RERG: variants seen among roughly 807,000 people sequenced by gnomAD.
RERG encodes RAS like estrogen regulated growth inhibitor.
In RERG, 25 loss-of-function variants were observed where a neutral mutation model predicts 23.2. The ratio of observed to expected loss-of-function variants is 1.08; its 90% CI spans 0.79 to 1.50. RERG has a LOEUF of 1.50. Ranked by LOEUF, RERG falls within the 40% of genes most tolerant of loss-of-function variation. The pLI is 0.00. For missense variants in RERG, 253 were observed against 250.1 expected, an observed-to-expected ratio of 1.01 and a Z score of -0.08; for synonymous variants, 81 against 89.1, an observed-to-expected ratio of 0.91 and a Z score of 0.51.
chr12:15,191,591 T>C (rs532840084), intron 2 of RERG, among the ~76,000 whole-genome samples: 7 of 152,186 alleles, frequency 4.6e-5, no homozygotes, highest in Non-Finnish European at 8.8e-5. Flanking sequence ...TTCATCTCTC[T>C]CCAGCCTCCC....
At chr12:15,210,093 AT>A (rs1555132041) in intron 2 of RERG, among the ~76,000 whole-genome samples, 1 of 152,182 alleles carries the variant, frequency 6.6e-6, no homozygotes, top group Non-Finnish European at 1.5e-5. Context: ...ACAGACATGC[AT>A]TTGCACTGGA....
intron 2 of RERG, chr12:15,138,001 C>A: frequency 2.8e-6 from 1 of 354,034 alleles, no homozygotes; most frequent in Non-Finnish European, 5.6e-6. Flanking sequence ...CTTAATTTAT[C>A]CTTCACTTTT....
In RERG at chr12:15,109,265, C is replaced by G. The variant is rs1208071328; in HGVS notation, c.445G>C (p.Ala149Pro). 1.9e-6 allele frequency: 3 copies of G among 1,614,046 alleles called. No individual in the cohort carries two copies. In the East Asian group the frequency reaches 6.7e-5, roughly 36 times the overall value. The change falls in exon 5 of 5, where the codon GCC becomes CCC. Residue 149 changes from alanine to proline, a missense_variant. Transcript: ENST00000256953. Reference protein sequence around the residue: ...ELACAFYECSACTGEGNITEI... With the variant: ...ELACAFYECSPCTGEGNITEI... ...GTGATGTTCCCTTCTCCAGTGCAGG[C>G]AGAGCACTCGTAAAAAGCACAAGCC...
At chr12:15,214,632 T>C (rs1454524960) in intron 2 of RERG, among the ~76,000 whole-genome samples, 1 of 152,220 alleles carries the variant, frequency 6.6e-6, no homozygotes, top group Non-Finnish European at 1.5e-5. Flanking sequence ...AATAGCCATA[T>C]TCACAAAGAA....
At chr12:15,121,215 A>C in intron 2 of RERG, 96 bp from the exon 3 acceptor site, 1 of 811,976 alleles carries the variant, frequency 1.2e-6, no homozygotes, top group South Asian at 1.6e-5. Context: ...ACACAACCCT[A>C]TAAATGCTTT....
intron 2 of RERG, among the ~76,000 whole-genome samples, chr12:15,212,782 C>T (rs1865386802): frequency 6.6e-6 from 1 of 151,884 alleles, no homozygotes; most frequent in Non-Finnish European, 1.5e-5. Context: ...ATATCTCAGC[C>T]TGAAGTATAC....
intron 2 of RERG, among the ~76,000 whole-genome samples, chr12:15,186,800 C>G (rs1864999237): frequency 6.6e-6 from 1 of 152,148 alleles, no homozygotes; most frequent in Non-Finnish European, 1.5e-5. Flanking sequence ...AGTTGCAGCA[C>G]TGGGGATTTC....
At chr12:15,149,878 G>A (rs1246166957) in intron 2 of RERG, among the ~76,000 whole-genome samples, 2 of 152,150 alleles carry the variant, frequency 1.3e-5, no homozygotes, top group Non-Finnish European at 2.9e-5. Flanking sequence ...TCCTCGTTTC[G>A]TGACTATGAT....
intron 2 of RERG, among the ~76,000 whole-genome samples, chr12:15,139,185 A>G (rs1434187214): frequency 1.3e-5 from 2 of 151,992 alleles, no homozygotes; most frequent in African/African-American, 2.4e-5. Context: ...TCATCGAACT[A>G]TCTGTCTATT....
intron 2 of RERG, among the ~76,000 whole-genome samples, chr12:15,183,563 A>AT (rs1415250841): frequency 6.6e-6 from 1 of 152,128 alleles, no homozygotes; most frequent in Non-Finnish European, 1.5e-5. Context: ...CAGGTATACA[A>AT]TTTTTAACCC....
At chr12:15,138,436 A>AT (rs1172339383) in intron 2 of RERG, among the ~76,000 whole-genome samples, 3 of 151,884 alleles carry the variant, frequency 2.0e-5, no homozygotes, top group East Asian at 3.9e-4. Context: ...GAGCTCAGAG[A>AT]TTTTTTTCCT....
In RERG at chr12:15,148,847, G is replaced by GTTTTTT. The variant is rs56033971; in HGVS notation, c.62-27734_62-27729dup. Among the ~76,000 whole-genome samples the GTTTTTT allele has an allele frequency of 2.4e-4, 11 of 45,564 alleles. 2 individuals are homozygous for GTTTTTT. Among genetic ancestry groups the GTTTTTT allele is most frequent in the African/African-American group, 3.5e-4 (6 of 16,950 alleles). 29.9% of individuals were successfully genotyped at this position (45,564 alleles called of 152,430 possible). A position where few individuals can be genotyped will look rare whatever the true frequency, so the allele number is the denominator to read the frequency against. Reference sequence around the variant, plus strand: ...AATTCATTTGCAGTCCTTTAACTCTGTTTTTTTTTTTTTTTTTTTTTTTTT... The same window carrying GTTTTTT: ...AATTCATTTGCAGTCCTTTAACTCTGTTTTTTTTTTTTTTTTTTTTTTTTTTTTTTT... On this transcript the variant is annotated intron_variant, in intron 2 of 4. Transcript: ENST00000256953.
rs545144879 is a variant in RERG at position 15,155,236 on chromosome 12, A to G, written c.62-34117T>C. The G allele has an allele frequency of 2.6e-5, 4 of 152,326 alleles. No homozygotes were observed. In the East Asian group the frequency reaches 7.7e-4, roughly 29 times the overall value. 9.4% of individuals were successfully genotyped at this position (152,326 alleles called of 1,614,324 possible). The stretch of plus-strand genomic sequence containing the variant: ...GTAACTTTTGGAAAAACATGCACAC[A>G]CCTGGTGCCACCTGGGTAGGTGTGA... On this transcript the variant is annotated intron_variant, in intron 2 of 4. Transcript: ENST00000256953.
chr12:15,176,261 A>G (rs924107847), intron 2 of RERG, among the ~76,000 whole-genome samples: 1 of 152,292 alleles, frequency 6.6e-6, no homozygotes, highest in African/African-American at 2.4e-5. Context: ...AGGCAATTGC[A>G]TATTGTAGTT....
At chr12:15,134,072 GT>G (rs77213748) in intron 2 of RERG, among the ~76,000 whole-genome samples, 8,083 of 151,730 alleles carry the variant, frequency 0.053, 335 homozygotes, top group African/African-American at 0.11. Context: ...TCTAGACAGT[GT>G]TTTTTTCACA....
chr12:15,217,033 C>T (rs1301964959), intron 2 of RERG: 1 of 158,630 alleles, frequency 6.3e-6, no homozygotes, highest in African/African-American at 2.4e-5. Flanking sequence ...CTAACACATG[C>T]TTGACACTGG....
intron 2 of RERG, among the ~76,000 whole-genome samples, chr12:15,195,335 A>G (rs1018195746): frequency 6.6e-6 from 1 of 152,076 alleles, no homozygotes; most frequent in Non-Finnish European, 1.5e-5. Context: ...CACCTCTCAC[A>G]CAAGTGGCAC....
chr12:15,113,862 C>T (rs7139311), intron 3 of RERG, among the ~76,000 whole-genome samples: 73,024 of 151,638 alleles, frequency 0.48, 18,220 homozygotes, highest in Admixed American at 0.59. Context: ...CTTTTTGAGA[C>T]GCTCAAGAAA....
At chr12:15,181,612 G>T (rs1470890622) in intron 2 of RERG, among the ~76,000 whole-genome samples, 1 of 152,182 alleles carries the variant, frequency 6.6e-6, no homozygotes, top group African/African-American at 2.4e-5. Context: ...TCATAGGATT[G>T]TTATGAGAAT....
Sources: gnomAD v4.1 joint callset for allele counts (sites outside exome capture counted in the v4.1 genomes callset) on GRCh38, gnomAD v4.1.1 for gene constraint, MANE v1.5 for transcripts, NCBI Gene and HGNC (gene_info 2026-07-23, HGNC 2026-07-21) for gene names.